NPY2R: variants seen among roughly 807,000 people sequenced by gnomAD.
NPY2R encodes the protein neuropeptide Y receptor Y2.
A neutral mutation model predicts 22.3 loss-of-function variants in NPY2R; 17 were observed. That is an observed-to-expected ratio of 0.76 (90% CI 0.52 to 1.14). The LOEUF is 1.14. Ranked by LOEUF, NPY2R falls within the 50% of genes most tolerant of loss-of-function variation. The pLI is 0.00. For synonymous variants in NPY2R, 209 were observed against 183.4 expected (o/e 1.14, Z -1.13); for missense variants, 424 against 467.9 (o/e 0.91, Z 0.87).
the NPY2R span, among the ~76,000 whole-genome samples, chr4:155,181,609 G>C: frequency 6.6e-6 from 1 of 152,116 alleles, no homozygotes; most frequent in African/African-American, 2.4e-5. Context: ...TATAAAACAG[G>C]CCTAAGGGAG....
the NPY2R span, among the ~76,000 whole-genome samples, chr4:155,174,484 A>ATATATATATATTTTTTTT: frequency 9.4e-6 from 1 of 106,120 alleles, no homozygotes; most frequent in African/African-American, 4.5e-5. Context: ...ATATATATAT[A>ATATATATATATTTTTTTT]TTTTTTTTTT....
the NPY2R span, among the ~76,000 whole-genome samples, chr4:155,192,344 A>G: frequency 6.6e-6 from 1 of 151,868 alleles, no homozygotes; most frequent in African/African-American, 2.4e-5. Context: ...AATAATTTCT[A>G]TTTGAAATTA....
At chr4:155,197,615 A>C in the NPY2R span, among the ~76,000 whole-genome samples, 1 of 152,004 alleles carries the variant, frequency 6.6e-6, no homozygotes, top group Non-Finnish European at 1.5e-5. Flanking sequence ...AACCCTCTCT[A>C]TAAGTGAAAA....
chr4:155,209,469 A>C (rs1729356575), intron 1 of NPY2R, among the ~76,000 whole-genome samples: 1 of 152,174 alleles, frequency 6.6e-6, no homozygotes, highest in Admixed American at 6.5e-5. Context: ...AGGCTCACCC[A>C]CTGGCAGGAG....
At chr4:155,203,782 T>C (rs1236774549), upstream of NPY2R, among the ~76,000 whole-genome samples, 4 of 152,196 alleles carry the variant, frequency 2.6e-5, no homozygotes, top group African/African-American at 9.7e-5. Flanking sequence ...GTATCAAGCA[T>C]TTAAATAAAG....
chr4:155,179,122 T>C, the NPY2R span, among the ~76,000 whole-genome samples: 1 of 152,198 alleles, frequency 6.6e-6, no homozygotes, highest in African/African-American at 2.4e-5. Flanking sequence ...TGTGCCATTT[T>C]TTCTCTTAAT....
chr4:155,205,947 T>C (rs1196897579), upstream of NPY2R, among the ~76,000 whole-genome samples: 1 of 152,190 alleles, frequency 6.6e-6, no homozygotes, highest in Admixed American at 6.5e-5. Flanking sequence ...TTTTTAACAA[T>C]ATGGATTTTG....
the NPY2R span, among the ~76,000 whole-genome samples, chr4:155,183,546 G>T: frequency 6.6e-6 from 1 of 152,154 alleles, no homozygotes; most frequent in Non-Finnish European, 1.5e-5. Context: ...AGAAGAGATG[G>T]CCAGAGGCAT....
At chr4:155,191,367 C>T in the NPY2R span, among the ~76,000 whole-genome samples, 2 of 152,030 alleles carry the variant, frequency 1.3e-5, no homozygotes, top group South Asian at 2.1e-4. Context: ...GCCAAGCAAG[C>T]TTTCCACCTT....
chr4:155,209,958 A>G (rs1398788375), intron 1 of NPY2R, among the ~76,000 whole-genome samples: 1 of 152,178 alleles, frequency 6.6e-6, no homozygotes, highest in Non-Finnish European at 1.5e-5. Flanking sequence ...TGCTGGGGGA[A>G]GTCCTGAAAC....
At chr4:155,211,091 T>G (rs1306859453) in intron 1 of NPY2R, among the ~76,000 whole-genome samples, 1 of 152,192 alleles carries the variant, frequency 6.6e-6, no homozygotes, top group Admixed American at 6.5e-5. Flanking sequence ...AAGGAAAGGA[T>G]CAAAATTATA....
the NPY2R span, among the ~76,000 whole-genome samples, chr4:155,185,696 C>G: frequency 8.0e-5 from 12 of 149,482 alleles, no homozygotes; most frequent in African/African-American, 2.7e-4. Context: ...AATGGAGGAT[C>G]TAATTTTGGT....
At chr4:155,190,228 T>C in the NPY2R span, among the ~76,000 whole-genome samples, 1 of 152,046 alleles carries the variant, frequency 6.6e-6, no homozygotes, top group African/African-American at 2.4e-5. Context: ...TCCTAACTGC[T>C]AGGAAAAATG....
At chr4:155,191,673 T>G in the NPY2R span, among the ~76,000 whole-genome samples, 1 of 151,908 alleles carries the variant, frequency 6.6e-6, no homozygotes. Context: ...CTTGCCTGAA[T>G]TTCATCTCTA....
the NPY2R span, among the ~76,000 whole-genome samples, chr4:155,188,423 G>A: frequency 2.5e-3 from 381 of 152,234 alleles, 2 homozygotes; most frequent in African/African-American, 8.9e-3. Context: ...TGCATTGTCT[G>A]TAGACTCTAA....
chr4:155,200,747 G>T, the NPY2R span, among the ~76,000 whole-genome samples: 1 of 152,060 alleles, frequency 6.6e-6, no homozygotes. Context: ...GCAAACTAAT[G>T]CAGGAACAGA....
At chr4:155,193,508 T>C in the NPY2R span, among the ~76,000 whole-genome samples, 47 of 151,908 alleles carry the variant, frequency 3.1e-4, no homozygotes, top group African/African-American at 1.1e-3. Flanking sequence ...AAGATTTGTG[T>C]CCTTGAGTCA....
chr4:155,199,400 CAGAT>C, the NPY2R span, among the ~76,000 whole-genome samples: 1 of 151,948 alleles, frequency 6.6e-6, no homozygotes, highest in East Asian at 1.9e-4. Flanking sequence ...TTCATCCTCA[CAGAT>C]AGAAAGAATC....
chr4:155,187,020 T>C, the NPY2R span, among the ~76,000 whole-genome samples: 8 of 152,184 alleles, frequency 5.3e-5, no homozygotes, highest in South Asian at 2.1e-4. Context: ...TTATTCTCTA[T>C]GAAGTAATTA....
Sources: gnomAD v4.1 joint callset for allele counts (sites outside exome capture counted in the v4.1 genomes callset) on GRCh38, gnomAD v4.1.1 for gene constraint, MANE v1.5 for transcripts, NCBI Gene and HGNC (gene_info 2026-07-23, HGNC 2026-07-21) for gene names.